The following AHI1 variants were observed in gnomAD, a reference collection of about 807,000 sequenced individuals.
AHI1 encodes Abelson helper integration site 1.
In AHI1, 123 loss-of-function variants were observed where a neutral mutation model predicts 149.3. The ratio of observed to expected loss-of-function variants is 0.82; its 90% confidence interval spans 0.71 to 0.96. AHI1 has a LOEUF of 0.96. Among genes scored for constraint, AHI1 ranks in the 40% least tolerant of loss-of-function variants. The pLI, the probability that AHI1 is intolerant of heterozygous loss-of-function variation, is 0.00. For missense variants in AHI1, 1,439 were observed against 1,422.7 expected (o/e 1.01, Z -0.18); for synonymous variants, 475 against 459.8 (o/e 1.03, Z -0.42).
intron 20 of AHI1, among the ~76,000 whole-genome samples, chr6:135,415,136 C>T (rs1425390482): frequency 2.0e-5 from 3 of 151,970 alleles, no homozygotes; most frequent in Non-Finnish European, 4.4e-5. Flanking sequence ...CTACAAAGAA[C>T]ATGAACTCAT....
At chr6:135,376,415 A>G (rs1344502094) in intron 23 of AHI1, among the ~76,000 whole-genome samples, 1 of 152,252 alleles carries the variant, frequency 6.6e-6, no homozygotes, top group Non-Finnish European at 1.5e-5. Context: ...CACCTTAATT[A>G]AGGACTAAAC....
At chr6:135,466,990 A>G (rs1328362821) in intron 6 of AHI1, among the ~76,000 whole-genome samples, 3 of 152,216 alleles carry the variant, frequency 2.0e-5, no homozygotes, top group African/African-American at 7.2e-5. Context: ...ATAAATAAGG[A>G]TAAGAGTCAA....
At chr6:135,432,349 ATAC>A (rs1784784491) in intron 16 of AHI1, among the ~76,000 whole-genome samples, 1 of 152,162 alleles carries the variant, frequency 6.6e-6, no homozygotes, top group African/African-American at 2.4e-5. Flanking sequence ...TCTTTAAAAC[ATAC>A]TACATTATTC....
intron 24 of AHI1, among the ~76,000 whole-genome samples, chr6:135,327,693 T>C (rs941575993): frequency 3.3e-5 from 5 of 152,138 alleles, no homozygotes; most frequent in Admixed American, 2.0e-4. Context: ...CACCACCCCC[T>C]ACCTTTCTGA....
intron 15 of AHI1, chr6:135,435,132 C>G (rs1785212832): frequency 6.6e-6 from 1 of 152,198 alleles, no homozygotes; most frequent in Admixed American, 6.5e-5. Flanking sequence ...TGGACAACAG[C>G]TCCTTTATTA....
chr6:135,310,311 T>A (rs540900759), intron 26 of AHI1, among the ~76,000 whole-genome samples: 20 of 152,222 alleles, frequency 1.3e-4, no homozygotes, highest in African/African-American at 4.6e-4. Context: ...CTTTGAAGAC[T>A]AAGAAAAACA....
intron 5 of AHI1, among the ~76,000 whole-genome samples, chr6:135,472,900 T>C (rs930382832): frequency 1.3e-5 from 2 of 152,212 alleles, no homozygotes; most frequent in Non-Finnish European, 2.9e-5. Flanking sequence ...TTGTATCAGA[T>C]AGTGCTTTAA....
intron 5 of AHI1, among the ~76,000 whole-genome samples, chr6:135,485,091 A>G (rs545301439): frequency 0.012 from 1,734 of 141,620 alleles, 41 homozygotes; most frequent in African/African-American, 0.048. Flanking sequence ...TTTTTTTTTT[A>G]AGACAGAGTT....
chr6:135,352,301 T>G (rs1041984898), intron 24 of AHI1, among the ~76,000 whole-genome samples: 4 of 152,172 alleles, frequency 2.6e-5, no homozygotes, highest in African/African-American at 9.6e-5. Flanking sequence ...GATGCCCAAA[T>G]CACATTTTCC....
At chr6:135,398,938 A>G (rs1583030950) in intron 22 of AHI1, among the ~76,000 whole-genome samples, 1 of 152,062 alleles carries the variant, frequency 6.6e-6, no homozygotes, top group Non-Finnish European at 1.5e-5. Flanking sequence ...AATCCCAGCA[A>G]TTTGGGAGGC....
At chr6:135,289,097 A>T (rs1247958382) in intron 28 of AHI1, among the ~76,000 whole-genome samples, 1 of 151,986 alleles carries the variant, frequency 6.6e-6, no homozygotes, top group Non-Finnish European at 1.5e-5. Context: ...TTATCCCTTT[A>T]AGAATCCTTT....
chr6:135,465,701 T>C (rs1790633251), intron 7 of AHI1, 113 bp downstream of exon 7: 2 of 854,684 alleles, frequency 2.3e-6, no homozygotes, highest in Non-Finnish European at 3.3e-6. Flanking sequence ...AGTGACAATG[T>C]CTCCAAATAA....
intron 25 of AHI1, among the ~76,000 whole-genome samples, 186 bp downstream of exon 25, chr6:135,322,976 G>C (rs1181360473): frequency 6.6e-6 from 1 of 152,200 alleles, no homozygotes; most frequent in Non-Finnish European, 1.5e-5. Flanking sequence ...TCTCAGAATG[G>C]AGCAGCTTCT....
chr6:135,285,626 T>G lies in AHI1; in HGVS notation c.*19A>C, dbSNP rs764872326. On this transcript the variant is annotated 3_prime_UTR_variant, in exon 29 of 29. Transcript: ENST00000265602. ...TCACCTCTGTGCATTTCGGCAGCTC[T>G]TAACTTTTCTTCAATTCTTTACTGG... 23 of 1,607,438 alleles carry G rather than the reference T, an allele frequency of 1.4e-5. No individual in the cohort carries two copies. Among genetic ancestry groups the G allele is most frequent in the Non-Finnish European group, 2.0e-5 (23 of 1,175,996 alleles).
At chr6:135,474,353 C>G (rs940828367) in intron 5 of AHI1, among the ~76,000 whole-genome samples, 1 of 152,154 alleles carries the variant, frequency 6.6e-6, no homozygotes, top group Non-Finnish European at 1.5e-5. Flanking sequence ...GTCAGGGTCT[C>G]CAGTACAATT....
chr6:135,433,008 TTCATAGTCTC>T lies in AHI1; in HGVS notation c.2266+9_2266+18del, dbSNP rs1230280329. 18 of 1,578,680 alleles carry T rather than the reference TTCATAGTCTC, an allele frequency of 1.1e-5. No homozygotes were observed. In the Admixed American group the frequency reaches 3.0e-4, roughly 26 times the overall value. ...AAATTCTTCACATAGCTGGTCTTCA[TTCATAGTCTC>T]TGACATACCTTCAGTATCAAAACAA... is the stretch of plus-strand genomic sequence containing the variant. On this transcript the variant is annotated intron_variant, in intron 16 of 28. Transcript: ENST00000265602.
At position 135,448,291 on chromosome 6, in the gene AHI1, C is replaced by G. The variant is rs768523364; in HGVS notation, c.1625G>C (p.Cys542Ser). Reference protein sequence around the residue: ...VTVRGLKVPDCIKPSYRSMMA... With the variant: ...VTVRGLKVPDSIKPSYRSMMA... ...ACTTAATATGTACTATTAACTTACA[C>G]AGTCTGGAACTTTCAGTCCTCTTAC... The change falls in exon 12 of 29, where the codon TGT becomes TCT. Residue 542 changes from cysteine (C) to serine (S), a missense_variant and splice_region_variant. Physicochemically the swap from Cys to Ser is moderately radical, Grantham distance 112 (BLOSUM62 -1). Coordinates refer to ENST00000265602, the MANE Select transcript of AHI1 (RefSeq NM_001134831.2). 1.3e-6 allele frequency: 2 copies of G among 1,571,572 alleles called. No individual in the cohort carries two copies. Among genetic ancestry groups the G allele is most frequent in the Admixed American group, 3.4e-5 (2 of 59,356 alleles).
intron 24 of AHI1, among the ~76,000 whole-genome samples, chr6:135,332,020 T>A (rs1351239363): frequency 6.6e-6 from 1 of 152,112 alleles, no homozygotes; most frequent in African/African-American, 2.4e-5. Flanking sequence ...TTAAAGAGTG[T>A]TGGACCTTGG....
At chr6:135,362,123 A>AGTGT (rs1442648557) in intron 23 of AHI1, among the ~76,000 whole-genome samples, 1 of 151,476 alleles carries the variant, frequency 6.6e-6, no homozygotes, top group African/African-American at 2.4e-5. Flanking sequence ...TGTAGGTGTG[A>AGTGT]GTGTGTGTAT....
Sources: gnomAD v4.1 joint callset for allele counts (sites outside exome capture counted in the v4.1 genomes callset) on GRCh38, gnomAD v4.1.1 for gene constraint, MANE v1.5 for transcripts, NCBI Gene and HGNC (gene_info 2026-07-23, HGNC 2026-07-21) for gene names.